TRDN: variants seen among roughly 807,000 people sequenced by gnomAD.
TRDN encodes triadin, also known as triadin in skeletal muscle.
Under a neutral mutation model 149.7 loss-of-function variants are expected in TRDN, and 161 were observed. The observed-to-expected ratio is 1.08, with a 90% CI of 0.95 to 1.23. The LOEUF (loss-of-function observed/expected upper bound fraction) is 1.23, where lower values mean the gene tolerates loss of function less well. TRDN is among the 50% of genes most tolerant of loss of function. TRDN has a pLI of 0.00. For synonymous variants in TRDN, 294 were observed against 250.5 expected (o/e 1.17, Z -1.64); for missense variants, 896 against 823.5 (o/e 1.09, Z -1.08).
At chr6:123,337,365 A>G (rs1779910053) in intron 22 of TRDN, among the ~76,000 whole-genome samples, 1 of 151,934 alleles carries the variant, frequency 6.6e-6, no homozygotes, top group Non-Finnish European at 1.5e-5. Context: ...TTTTTCATTA[A>G]AAAAACCTTT....
chr6:123,456,642 T>C (rs963532905), intron 10 of TRDN, among the ~76,000 whole-genome samples: 3 of 152,182 alleles, frequency 2.0e-5, no homozygotes, highest in Non-Finnish European at 4.4e-5. Context: ...CTAATTTTTA[T>C]ATTTTTTGTA....
intron 10 of TRDN, among the ~76,000 whole-genome samples, chr6:123,445,833 C>T (rs1378358827): frequency 1.6e-5 from 2 of 124,950 alleles, no homozygotes; most frequent in African/African-American, 7.2e-5. Context: ...TGTGGCGATT[C>T]CTCAGGGATC....
intron 31 of TRDN, 140 bp downstream of exon 31, chr6:123,269,709 A>G: frequency 1.4e-6 from 1 of 737,686 alleles, no homozygotes; most frequent in East Asian, 2.9e-5. Flanking sequence ...TTAAATAGCA[A>G]TAACATTAAT....
chr6:123,567,416 C>T (rs1227326566), intron 2 of TRDN, among the ~76,000 whole-genome samples: 1 of 152,100 alleles, frequency 6.6e-6, no homozygotes, highest in Non-Finnish European at 1.5e-5. Flanking sequence ...TTAGGTTGTT[C>T]CGGCATTGCT....
chr6:123,280,678 T>A lies in TRDN; in HGVS notation c.1511-1596A>T, dbSNP rs78518739. On this transcript the variant is annotated intron_variant, in intron 24 of 40. Coordinates refer to ENST00000334268, the MANE Select transcript of TRDN (RefSeq NM_006073.4). ...TTTTTTTTTTTTTTTGGCTAACCTC[T>A]GCTTAAGGCCTAGTTTAGCTGTCTC... Among the ~76,000 whole-genome samples the A allele has an allele frequency of 1.0e-3, 150 of 146,806 alleles. 3 individuals carry two copies. The East Asian group carries it at 0.028, about 27-fold the overall frequency.
intron 12 of TRDN, among the ~76,000 whole-genome samples, chr6:123,424,435 T>G (rs916771049): frequency 6.6e-6 from 1 of 152,016 alleles, no homozygotes; most frequent in African/African-American, 2.4e-5. Context: ...TCATAGGCCC[T>G]CTATAAACAA....
intron 12 of TRDN, among the ~76,000 whole-genome samples, chr6:123,417,608 C>A (rs142781735): frequency 1.3e-5 from 2 of 152,150 alleles, no homozygotes; most frequent in African/African-American, 4.8e-5. Context: ...CATTCCCCCA[C>A]GTATCCTTGC....
chr6:123,499,756 C>A (rs1778618982), intron 8 of TRDN, among the ~76,000 whole-genome samples: 1 of 114,286 alleles, frequency 8.7e-6, no homozygotes. Flanking sequence ...TTACAGCTAC[C>A]ATGGTTGGGT....
Position 123,355,724 on chromosome 6 carries a change from T to A in TRDN, c.1322-3138A>T, listed in dbSNP as rs183519503. On this transcript the variant is annotated intron_variant, in intron 20 of 40. Transcript: ENST00000334268. ...TAATAGATCATTTTGAGAATTGATA[T>A]CTTTACAAAATCAAGTCATCTGATT... 4.5e-3 allele frequency among the ~76,000 whole-genome samples: 679 copies of A among 151,952 alleles called. 7 individuals are homozygous for A. The highest frequency in any genetic ancestry group is 0.015 in the African/African-American group (638 of 41,540).
rs774449661 is a variant in TRDN at position 123,218,627 on chromosome 6, G to C, written c.2164C>G (p.Pro722Ala). 63 of 1,611,616 alleles carry C rather than the reference G, an allele frequency of 3.9e-5. No individual in the cohort carries two copies. Among genetic ancestry groups the C allele is most frequent in the Non-Finnish European group, 5.2e-5 (61 of 1,178,622 alleles). The change falls in exon 41 of 41, where the codon CCA (proline) becomes GCA (alanine). Residue 722 changes from proline (P) to alanine (A), a missense_variant. Physicochemically the swap from Pro to Ala is conservative, Grantham distance 27. Transcript: ENST00000334268. ...PGESSGQANSPGQKQQGQ is the reference protein window; with the variant it reads ...PGESSGQANSAGQKQQGQ The stretch of plus-strand genomic sequence containing the variant: ...TACTGTCCTTGTTGCTTCTGTCCTG[G>C]AGAATTTGCTTGACCAGAGCTCTCT...
intron 2 of TRDN, among the ~76,000 whole-genome samples, chr6:123,567,312 G>A (rs1322712385): frequency 2.0e-5 from 3 of 152,108 alleles, no homozygotes; most frequent in African/African-American, 4.8e-5. Context: ...TTGATATCAC[G>A]GGACTTTTCT....
intron 12 of TRDN, among the ~76,000 whole-genome samples, chr6:123,395,042 C>T (rs73771942): frequency 0.15 from 22,763 of 151,992 alleles, 1,773 homozygotes; most frequent in African/African-American, 0.21. Context: ...CAAATGAGCA[C>T]CATTCTGCTC....
rs71021453 is a variant in TRDN at position 123,544,246 on chromosome 6, T to TACACAC, written c.424+3088_424+3093dup. 2.5e-3 allele frequency among the ~76,000 whole-genome samples: 361 copies of TACACAC among 144,312 alleles called. 2 individuals are homozygous for TACACAC. The highest frequency in any genetic ancestry group is 0.017 in the East Asian group (78 of 4,612). 94.7% of individuals were successfully genotyped at this position (144,312 alleles called of 152,430 possible). A position where few individuals can be genotyped will look rare whatever the true frequency, so the allele number is the denominator to read the frequency against. The stretch of plus-strand genomic sequence containing the variant: ...GAGAAGCCTTATGCACATCTGTACA[T>TACACAC]ACACACACACACACACACACACACA... On this transcript the variant is annotated intron_variant, in intron 4 of 40. Coordinates refer to ENST00000334268, the MANE Select transcript of TRDN (RefSeq NM_006073.4).
chr6:123,279,047 A>C lies in TRDN; in HGVS notation c.1537+9T>G. On this transcript the variant is annotated intron_variant, in intron 25 of 40. Coordinates refer to ENST00000334268, the MANE Select transcript of TRDN (RefSeq NM_006073.4). Reference sequence around the variant, plus strand: ...ACGTGTTTGTTTATTGAGCATGCATATAACATACGTGGAGGTTTAGGCTTG... The same window carrying C: ...ACGTGTTTGTTTATTGAGCATGCATCTAACATACGTGGAGGTTTAGGCTTG... The C allele has an allele frequency of 6.2e-7, 1 of 1,608,122 alleles. No individual in the cohort carries two copies. Among genetic ancestry groups the C allele is most frequent in the Non-Finnish European group, 8.5e-7 (1 of 1,177,454 alleles).
At chr6:123,385,361 G>C (rs1455690331) in intron 14 of TRDN, among the ~76,000 whole-genome samples, 1 of 151,230 alleles carries the variant, frequency 6.6e-6, no homozygotes, top group African/African-American at 2.4e-5. Context: ...CCGGGAGGTG[G>C]AGCTCGCAGT....
chr6:123,547,788 G>C (rs1781190126), intron 3 of TRDN, among the ~76,000 whole-genome samples: 1 of 152,090 alleles, frequency 6.6e-6, no homozygotes, highest in Non-Finnish European at 1.5e-5. Flanking sequence ...ACCCTAAAAA[G>C]TGTTATCTAA....
intron 18 of TRDN, 102 bp downstream of exon 18, chr6:123,377,613 TC>T: frequency 7.4e-7 from 1 of 1,345,368 alleles, no homozygotes; most frequent in Non-Finnish European, 1.0e-6. Context: ...ATGGAAGCAT[TC>T]CCCACCCTTT....
At chr6:123,568,587 G>A (rs1460122730) in intron 2 of TRDN, among the ~76,000 whole-genome samples, 1 of 152,212 alleles carries the variant, frequency 6.6e-6, no homozygotes, top group African/African-American at 2.4e-5. Flanking sequence ...ACTCTGCATG[G>A]CTGCAGGCTT....
chr6:123,273,920 A>G, intron 27 of TRDN, among the ~76,000 whole-genome samples: 1 of 152,062 alleles, frequency 6.6e-6, no homozygotes. Context: ...AGACTTGGAA[A>G]GGTCATACTT....
Sources: gnomAD v4.1 joint callset for allele counts (sites outside exome capture counted in the v4.1 genomes callset) on GRCh38, gnomAD v4.1.1 for gene constraint, MANE v1.5 for transcripts, NCBI Gene and HGNC (gene_info 2026-07-23, HGNC 2026-07-21) for gene names.